Variants in ENKUR observed in about 807,000 individuals in gnomAD.
ENKUR encodes enkurin.
Under a neutral mutation model 27.6 loss-of-function variants are expected in ENKUR, and 19 were observed. The observed-to-expected ratio is 0.69, with a 90% CI of 0.48 to 1.01. The LOEUF is 1.01. Ranked by LOEUF, ENKUR falls within the 50% of genes least tolerant of loss-of-function variation. ENKUR has a pLI of 0.00. For missense variants in ENKUR, 312 were observed against 310.5 expected (o/e 1.00, Z -0.04); for synonymous variants, 117 against 96.9 (o/e 1.21, Z -1.22).
intron 2 of ENKUR, chr10:25,025,618 C>T (rs545776599): frequency 3.1e-6 from 2 of 655,598 alleles, no homozygotes; most frequent in Non-Finnish European, 2.6e-6. Flanking sequence ...AACTCCATGT[C>T]ACCTCCTCAG....
intron 2 of ENKUR, among the ~76,000 whole-genome samples, chr10:25,030,798 C>G (rs184969524): frequency 6.6e-6 from 1 of 152,212 alleles, no homozygotes; most frequent in Non-Finnish European, 1.5e-5. Context: ...TTAAAGTGAT[C>G]TTGTGTGGTG....
upstream of ENKUR, among the ~76,000 whole-genome samples, chr10:25,018,657 T>TGG: frequency 9.3e-6 from 1 of 107,488 alleles, no homozygotes; most frequent in African/African-American, 3.1e-5. Flanking sequence ...CAAATGAGAG[T>TGG]TGTTTTTTTT....
chr10:25,003,108 C>T (rs1850226461), intron 1 of ENKUR, among the ~76,000 whole-genome samples: 1 of 151,944 alleles, frequency 6.6e-6, no homozygotes, highest in African/African-American at 2.4e-5. Flanking sequence ...ATCTATGTCT[C>T]CTCCATCTCT....
At position 25,033,401 on chromosome 10, in the gene ENKUR, CAAAAAAAA is replaced by C. The variant is rs34472195; in HGVS notation, c.37+27703_37+27710del. Among the ~76,000 whole-genome samples, 11 of 59,972 alleles carry C rather than the reference CAAAAAAAA, an allele frequency of 1.8e-4. No homozygotes were observed. The South Asian group carries it at 3.9e-3, about 21-fold the overall frequency. 39.3% of individuals were successfully genotyped at this position (59,972 alleles called of 152,430 possible). A position where few individuals can be genotyped will look rare whatever the true frequency, so the allele number is the denominator to read the frequency against. ...TCTGGGTGACAGAGGAAGACCTCGT[CAAAAAAAA>C]AAAAAAAAAAAAAAAAAAATCTGTG... On this transcript the variant is annotated intron_variant, in intron 2 of 5. Transcript: ENST00000615958.
chr10:25,033,401 C>CAAAAAAAAAA (rs34472195), intron 2 of ENKUR, among the ~76,000 whole-genome samples: 9 of 59,970 alleles, frequency 1.5e-4, no homozygotes, highest in African/African-American at 5.1e-4. Flanking sequence ...AAGACCTCGT[C>CAAAAAAAAAA]AAAAAAAAAA....
At chr10:25,004,936 T>A (rs948726414) in intron 1 of ENKUR, among the ~76,000 whole-genome samples, 1 of 152,222 alleles carries the variant, frequency 6.6e-6, no homozygotes, top group African/African-American at 2.4e-5. Context: ...TTAATTTTTG[T>A]ATATGGTGAG....
chr10:25,023,917 A>G, intron 2 of ENKUR: 1 of 1,614,200 alleles, frequency 6.2e-7, no homozygotes, highest in Non-Finnish European at 8.5e-7. Flanking sequence ...GGAAACATTC[A>G]TTTCAACAAG....
chr10:24,993,841 G>T (rs993647602), intron 3 of ENKUR, among the ~76,000 whole-genome samples: 1 of 152,208 alleles, frequency 6.6e-6, no homozygotes, highest in Non-Finnish European at 1.5e-5. Context: ...AGAGCAGCCA[G>T]AAGGGAGGGG....
upstream of ENKUR, among the ~76,000 whole-genome samples, chr10:25,020,775 A>G (rs1047684251): frequency 1.3e-5 from 2 of 151,990 alleles, no homozygotes; most frequent in Non-Finnish European, 2.9e-5. Flanking sequence ...CATGAAAACC[A>G]TCTACTCAGA....
At position 25,027,506 on chromosome 10, in the gene ENKUR, C is replaced by A. The variant is rs189152435; in HGVS notation, c.38-31637G>T. ...TGAGCAGAGATTGCGCCGTTGCACTCCAGCCTGGGCAACAAGAGCAAAACT... is the reference window on the plus strand; with the variant it reads ...TGAGCAGAGATTGCGCCGTTGCACTACAGCCTGGGCAACAAGAGCAAAACT... On this transcript the variant is annotated intron_variant, in intron 2 of 5. Coordinates refer to the ENKUR transcript ENST00000615958. Among the ~76,000 whole-genome samples the A allele has an allele frequency of 8.9e-3, 1,333 of 150,520 alleles. 6 individuals are homozygous for A. The highest frequency in any genetic ancestry group is 0.024 in the Middle Eastern group (7 of 290).
At position 24,982,744 on chromosome 10, in the gene ENKUR, G is replaced by A. The variant is rs1267776068; in HGVS notation, c.*1626C>T. 6.6e-6 allele frequency: 1 copy of A among 152,198 alleles called. No individual in the cohort carries two copies. The highest frequency in any genetic ancestry group is 1.5e-5 in the Non-Finnish European group (1 of 68,076). The allele number at this position is 152,198 out of a possible 1,614,324, so 9.4% of individuals were successfully genotyped here. A position where few individuals can be genotyped will look rare whatever the true frequency, so the allele number is the denominator to read the frequency against. ...TAGGGATCACCTTTCCAGGAACAAT[G>A]GATGGGAATGTTTCCCTCTGAAGGC... On this transcript the variant is annotated 3_prime_UTR_variant, in exon 6 of 6. Coordinates refer to ENST00000331161, the MANE Select transcript of ENKUR (RefSeq NM_145010.4).
intron 2 of ENKUR, among the ~76,000 whole-genome samples, chr10:25,054,463 T>TTCTTTCTA: frequency 1.1e-5 from 1 of 89,278 alleles, no homozygotes; most frequent in African/African-American, 3.8e-5. Context: ...TCTCTTTTCT[T>TTCTTTCTA]TCTTTCTTTC....
At chr10:25,024,490 A>C in intron 2 of ENKUR, 1 of 1,614,252 alleles carries the variant, frequency 6.2e-7, no homozygotes, top group Non-Finnish European at 8.5e-7. Flanking sequence ...AATAATTGGC[A>C]GTCAGAGAGA....
At chr10:25,024,201 A>T in intron 2 of ENKUR, 1 of 1,614,206 alleles carries the variant, frequency 6.2e-7, no homozygotes, top group Non-Finnish European at 8.5e-7. Context: ...CCTGCTCAAA[A>T]ATTGCTCCTG....
At chr10:25,059,329 A>G (rs11014368) in intron 2 of ENKUR, among the ~76,000 whole-genome samples, 49,241 of 151,334 alleles carry the variant, frequency 0.33, 8,274 homozygotes, top group East Asian at 0.48. Context: ...ACAGGGTTTC[A>G]CCATATCTTC....
chr10:24,994,850 CT>C (rs766838125), intron 3 of ENKUR, among the ~76,000 whole-genome samples: 6 of 143,248 alleles, frequency 4.2e-5, no homozygotes, highest in Non-Finnish European at 9.0e-5. Flanking sequence ...GTGAAACCCC[CT>C]GTCTACTAAA....
At chr10:25,021,172 C>T (rs1850711345) in intron 2 of ENKUR, among the ~76,000 whole-genome samples, 1 of 152,176 alleles carries the variant, frequency 6.6e-6, no homozygotes, top group Non-Finnish European at 1.5e-5. Flanking sequence ...ATTCCTAGCC[C>T]ACTGTCAGTG....
At chr10:25,009,825 T>C (rs555135632) in intron 1 of ENKUR, among the ~76,000 whole-genome samples, 1 of 152,308 alleles carries the variant, frequency 6.6e-6, no homozygotes, top group South Asian at 2.1e-4. Flanking sequence ...TTTCCCACTA[T>C]GTAAGATGTG....
chr10:25,061,409 A>G (rs1440451509), intron 1 of ENKUR: 1 of 399,120 alleles, frequency 2.5e-6, no homozygotes, highest in Non-Finnish European at 4.4e-6. Flanking sequence ...GCAAGGTGGA[A>G]CCTCCCAACA....
Sources: allele counts gnomAD v4.1 joint callset (sites outside exome capture counted in the v4.1 genomes callset), GRCh38; gene constraint gnomAD v4.1.1; transcripts MANE v1.5; gene names NCBI Gene and HGNC (gene_info 2026-07-23, HGNC 2026-07-21).